Variants in ATP8A2 observed in about 807,000 individuals in gnomAD.
ATP8A2 encodes the protein phospholipid-transporting ATPase IB.
Under a neutral mutation model 165.6 loss-of-function variants are expected in ATP8A2, and 100 were observed. The observed-to-expected ratio is 0.60, with a 90% confidence interval of 0.51 to 0.71. The LOEUF (loss-of-function observed/expected upper bound fraction) is 0.71. Among genes scored for constraint, ATP8A2 ranks in the 30% least tolerant of loss-of-function variants. The pLI is 0.00. For missense variants in ATP8A2, 1,227 were observed against 1,479.5 expected (o/e 0.83, Z 2.80); for synonymous variants, 543 against 548.8 (o/e 0.99, Z 0.15).
intron 24 of ATP8A2, among the ~76,000 whole-genome samples, chr13:25,663,896 GA>G (rs1237290173): frequency 6.6e-6 from 1 of 152,134 alleles, no homozygotes; most frequent in Non-Finnish European, 1.5e-5. Context: ...AAAATATTCT[GA>G]AGTTTAATTA....
At chr13:25,805,290 C>T (rs974318423) in intron 27 of ATP8A2, among the ~76,000 whole-genome samples, 8 of 152,070 alleles carry the variant, frequency 5.3e-5, no homozygotes, top group African/African-American at 1.7e-4. Flanking sequence ...GGACATATCA[C>T]TTGAGCCTAG....
At position 25,480,395 on chromosome 13, in the gene ATP8A2, C is replaced by T. The variant is rs573718912; in HGVS notation, c.221+11274C>T. ...CCGGGCGGAGGGGCTCCTCACTTCT[C>T]AGACGGGGCGGTTGCCAGGCGGAGA... On this transcript the variant is annotated intron_variant, in intron 2 of 36. Coordinates refer to ENST00000381655, the MANE Select transcript of ATP8A2 (RefSeq NM_016529.6). Among the ~76,000 whole-genome samples the T allele has an allele frequency of 4.7e-3, 711 of 151,496 alleles. 6 individuals are homozygous for T. The highest frequency in any genetic ancestry group is 0.017 in the African/African-American group (682 of 41,258).
chr13:25,549,548 C>T (rs1190418271), intron 10 of ATP8A2, among the ~76,000 whole-genome samples: 1 of 151,184 alleles, frequency 6.6e-6, no homozygotes, highest in East Asian at 2.0e-4. Flanking sequence ...CTGTCCAATT[C>T]CTGACTTCTG....
intron 33 of ATP8A2, among the ~76,000 whole-genome samples, chr13:25,900,558 G>T (rs1953711310): frequency 6.6e-6 from 1 of 152,138 alleles, no homozygotes; most frequent in South Asian, 2.1e-4. Context: ...TTCCAGAGCT[G>T]ATTTCTGCTT....
At chr13:25,778,205 A>G (rs1433604150) in intron 27 of ATP8A2, among the ~76,000 whole-genome samples, 1 of 152,232 alleles carries the variant, frequency 6.6e-6, no homozygotes, top group African/African-American at 2.4e-5. Context: ...CTTTCTCACT[A>G]GCCCATAAAT....
intron 27 of ATP8A2, among the ~76,000 whole-genome samples, chr13:25,814,322 A>G (rs1950954816): frequency 6.6e-6 from 1 of 152,190 alleles, no homozygotes; most frequent in South Asian, 2.1e-4. Flanking sequence ...GCAAATATGT[A>G]GAGATTGCAT....
chr13:25,996,522 T>C (rs975827828), intron 35 of ATP8A2, among the ~76,000 whole-genome samples: 1 of 152,200 alleles, frequency 6.6e-6, no homozygotes, highest in Non-Finnish European at 1.5e-5. Flanking sequence ...AGAACTTTCT[T>C]ATTATTATTT....
rs560711494 is a variant in ATP8A2 at position 25,855,119 on chromosome 13, C to T, written c.2957-5076C>T. 4.8e-3 allele frequency among the ~76,000 whole-genome samples: 723 copies of T among 152,116 alleles called. 4 individuals are homozygous for T. Among genetic ancestry groups the T allele is most frequent in the African/African-American group, 0.017 (692 of 41,498 alleles). The stretch of plus-strand genomic sequence containing the variant: ...TACAAAAATCAGCTGGGTGTGGTGG[C>T]GCATGCCTGTAATCCCAGCTACTTG... On this transcript the variant is annotated intron_variant, in intron 30 of 36. Coordinates refer to ENST00000381655, the MANE Select transcript of ATP8A2 (RefSeq NM_016529.6).
intron 24 of ATP8A2, among the ~76,000 whole-genome samples, chr13:25,673,446 G>C (rs2042307372): frequency 6.6e-6 from 1 of 152,326 alleles, no homozygotes; most frequent in East Asian, 1.9e-4. Flanking sequence ...TCTCCTAACT[G>C]TCCTCCTGTC....
At chr13:25,818,291 T>G (rs1459283986) in intron 27 of ATP8A2, among the ~76,000 whole-genome samples, 1 of 152,216 alleles carries the variant, frequency 6.6e-6, no homozygotes, top group African/African-American at 2.4e-5. Flanking sequence ...AATTCATAAA[T>G]TTTTTGGTGT....
At chr13:25,470,971 T>C (rs538099818) in intron 2 of ATP8A2, among the ~76,000 whole-genome samples, 19 of 151,994 alleles carry the variant, frequency 1.3e-4, no homozygotes, top group South Asian at 1.2e-3. Context: ...AGAGAAAAGG[T>C]TGGGGGGAAA....
In ATP8A2 at chr13:26,025,728, G is replaced by A. The variant is rs1429059587; in HGVS notation, c.*5743G>A. 3 of 152,336 alleles carry A rather than the reference G, an allele frequency of 2.0e-5. No individual in the cohort carries two copies. Among genetic ancestry groups the A allele is most frequent in the Admixed American group, 6.5e-5 (1 of 15,296 alleles). 9.4% of individuals were successfully genotyped at this position (152,336 alleles called of 1,614,324 possible). A position where few individuals can be genotyped will look rare whatever the true frequency, so the allele number is the denominator to read the frequency against. On this transcript the variant is annotated 3_prime_UTR_variant, in exon 37 of 37. Transcript: ENST00000381655. Reference sequence around the variant, plus strand: ...GTTCCCTCCTGGAGTGAATACAAACGGAGGGCATCTACTTGTATTTTTAGA... The same window carrying A: ...GTTCCCTCCTGGAGTGAATACAAACAGAGGGCATCTACTTGTATTTTTAGA...
chr13:25,794,542 G>T (rs1304161340), intron 27 of ATP8A2, among the ~76,000 whole-genome samples: 6 of 152,062 alleles, frequency 3.9e-5, no homozygotes, highest in African/African-American at 1.2e-4. Flanking sequence ...GGAGGAAAAG[G>T]GTGACTACAA....
At chr13:25,741,685 A>G (rs930267890) in intron 25 of ATP8A2, among the ~76,000 whole-genome samples, 2 of 152,038 alleles carry the variant, frequency 1.3e-5, no homozygotes, top group Admixed American at 1.3e-4. Context: ...CCAACATTTT[A>G]GATCTTAATT....
chr13:25,938,360 T>A (rs1260251756), intron 33 of ATP8A2, among the ~76,000 whole-genome samples: 2 of 152,066 alleles, frequency 1.3e-5, no homozygotes, highest in Non-Finnish European at 2.9e-5. Context: ...CAGCCAAAAG[T>A]CAGATAGCTA....
chr13:25,723,844 A>C (rs1327686682), intron 25 of ATP8A2, among the ~76,000 whole-genome samples: 1 of 152,090 alleles, frequency 6.6e-6, no homozygotes, highest in Non-Finnish European at 1.5e-5. Flanking sequence ...TTATCTGAGC[A>C]GGCCTGACCT....
chr13:25,858,736 T>C (rs1226236272), intron 30 of ATP8A2, among the ~76,000 whole-genome samples: 1 of 152,186 alleles, frequency 6.6e-6, no homozygotes, highest in Non-Finnish European at 1.5e-5. Flanking sequence ...CATCCTTATC[T>C]ACCCAGCCTG....
intron 33 of ATP8A2, among the ~76,000 whole-genome samples, chr13:25,878,198 A>G (rs2138839892): frequency 6.6e-6 from 1 of 152,288 alleles, no homozygotes; most frequent in Non-Finnish European, 1.5e-5. Context: ...GAGAAACCAC[A>G]GGAGCCCCCT....
intron 1 of ATP8A2, among the ~76,000 whole-genome samples, chr13:25,373,124 C>G (rs936586416): frequency 3.9e-5 from 6 of 152,174 alleles, no homozygotes; most frequent in African/African-American, 1.4e-4. Flanking sequence ...TTAGTTAATG[C>G]AGACGTAAAG....
Sources: gnomAD v4.1 joint callset for allele counts (sites outside exome capture counted in the v4.1 genomes callset) on GRCh38, gnomAD v4.1.1 for gene constraint, MANE v1.5 for transcripts, NCBI Gene and HGNC (gene_info 2026-07-23, HGNC 2026-07-21) for gene names.